EFR3B: variants seen among roughly 807,000 people sequenced by gnomAD.
The protein encoded by EFR3B is EFR3 homolog B, also known as protein EFR3 homolog B.
A neutral mutation model predicts 104.7 loss-of-function variants in EFR3B; 64 were observed. The ratio of observed to expected loss-of-function variants is 0.61; its 90% confidence interval spans 0.50 to 0.75. EFR3B has a LOEUF of 0.75. Among genes scored for constraint, EFR3B ranks in the 30% least tolerant of loss-of-function variants. The probability of loss-of-function intolerance (pLI) is 0.00; values close to 1 mark genes in which losing one functional copy is unlikely to be tolerated. For synonymous variants in EFR3B, 385 were observed against 417.9 expected, an observed-to-expected ratio of 0.92 and a Z score of 0.96; for missense variants, 750 against 1,078.5, an observed-to-expected ratio of 0.70 and a Z score of 4.27.
chr2:25,131,362 C>T lies in EFR3B; in HGVS notation c.850-6C>T. 1 of 1,549,704 alleles carries T rather than the reference C, an allele frequency of 6.5e-7. No individual in the cohort carries two copies. The highest frequency in any genetic ancestry group is 1.2e-5 in the South Asian group (1 of 83,974). Reference sequence around the variant, plus strand: ...TGTCCAGGCCCAGCTCATCTTCCTCCCGCAGCCGCAGCACTCACACCTGGT... The same window carrying T: ...TGTCCAGGCCCAGCTCATCTTCCTCTCGCAGCCGCAGCACTCACACCTGGT... On this transcript the variant is annotated splice_polypyrimidine_tract_variant and splice_region_variant and intron_variant, in intron 8 of 22. Coordinates refer to ENST00000403714, the MANE Select transcript of EFR3B (RefSeq NM_014971.2). This position sits in a 1 kb window ranked among gnomAD's most constrained non-coding sequence, Gnocchi z 7.6.
At chr2:25,102,531 C>T (rs935015519) in intron 3 of EFR3B, among the ~76,000 whole-genome samples, 5 of 152,134 alleles carry the variant, frequency 3.3e-5, no homozygotes, top group Non-Finnish European at 5.9e-5. Flanking sequence ...GGGGAAGCCC[C>T]TTATAAAACC....
chr2:25,087,361 G>GTA (rs67038461), intron 1 of EFR3B, among the ~76,000 whole-genome samples: 10,216 of 148,754 alleles, frequency 0.069, 449 homozygotes, highest in Non-Finnish European at 0.11. Flanking sequence ...CTTCATATAT[G>GTA]TATATATATA....
At chr2:25,117,794 C>A (rs997593978) in intron 4 of EFR3B, among the ~76,000 whole-genome samples, 3 of 152,108 alleles carry the variant, frequency 2.0e-5, no homozygotes, top group African/African-American at 7.2e-5. Flanking sequence ...TCCCCTGCTC[C>A]CCAGCAGCAA....
intron 20 of EFR3B, among the ~76,000 whole-genome samples, chr2:25,150,651 C>A (rs1372768037): frequency 6.6e-6 from 1 of 151,196 alleles, no homozygotes; most frequent in Non-Finnish European, 1.5e-5. Flanking sequence ...CGCCCTGTCA[C>A]CCAGGCTAGA....
At position 25,043,375 on chromosome 2, in the gene EFR3B, C is replaced by T. The variant is rs565717596; in HGVS notation, c.7+1056C>T. On this transcript the variant is annotated intron_variant, in intron 1 of 22. Coordinates refer to ENST00000403714, the MANE Select transcript of EFR3B (RefSeq NM_014971.2). ...AATTTAACCCATCACTGAGGCTGCT[C>T]GGCTGCTCAGCTGCCTCGCTCCGCG... Among the ~76,000 whole-genome samples, 29 of 152,278 alleles carry T rather than the reference C, an allele frequency of 1.9e-4. No homozygotes were observed. The East Asian group carries it at 2.1e-3, about 11-fold the overall frequency.
intron 1 of EFR3B, chr2:25,081,598 G>C: frequency 2.4e-6 from 2 of 826,216 alleles, no homozygotes; most frequent in South Asian, 1.4e-5. Flanking sequence ...ACTTCCTAGA[G>C]CCTGAGCAGT....
rs1049878572 is a variant in EFR3B, at chr2:25,091,351, C to G, written c.34C>G (p.Arg12Gly). ...YGVCGCCGAL[R>G]PRYKRLVDNI... Reference sequence around the variant, plus strand: ...TGTGTGTGGCTGCTGTGGTGCCCTACGCCCCAGGTACAAAAGGCTGGTTGA... The same window carrying G: ...TGTGTGTGGCTGCTGTGGTGCCCTAGGCCCCAGGTACAAAAGGCTGGTTGA... The change falls in exon 2 of 23, where the codon CGC becomes GGC. Residue 12 changes from arginine to glycine, a missense_variant. Physicochemically the swap from Arg to Gly is moderately radical, Grantham distance 125. Transcript: ENST00000403714. 1.9e-6 allele frequency: 3 copies of G among 1,550,082 alleles called. No individual in the cohort carries two copies. The highest frequency in any genetic ancestry group is 2.6e-6 in the Non-Finnish European group (3 of 1,146,380).
intron 15 of EFR3B, among the ~76,000 whole-genome samples, chr2:25,138,844 C>T (rs1162355308): frequency 4.6e-5 from 7 of 152,140 alleles, no homozygotes; most frequent in Non-Finnish European, 1.5e-5. Flanking sequence ...TACTCAAGAG[C>T]CTCCCAGTTC....
chr2:25,061,294 G>A (rs1360268308), intron 1 of EFR3B, among the ~76,000 whole-genome samples: 3 of 151,582 alleles, frequency 2.0e-5, no homozygotes, highest in Non-Finnish European at 2.9e-5. Context: ...CTGTTTTTTG[G>A]TAGAGACGGG....
chr2:25,108,937 C>T (rs1461155609), intron 4 of EFR3B, among the ~76,000 whole-genome samples: 4 of 151,742 alleles, frequency 2.6e-5, no homozygotes, highest in African/African-American at 7.3e-5. Context: ...ACCCAGGAGG[C>T]GAAGGTTGCA....
At chr2:25,123,371 A>C (rs1423981814) in intron 5 of EFR3B, among the ~76,000 whole-genome samples, 7 of 151,966 alleles carry the variant, frequency 4.6e-5, no homozygotes, top group African/African-American at 1.4e-4. Context: ...AAAAAAAAAA[A>C]AACAATTAAT....
intron 1 of EFR3B, among the ~76,000 whole-genome samples, chr2:25,057,282 TTGCTTTGCA>T (rs1668047341): frequency 6.6e-6 from 1 of 152,192 alleles, no homozygotes; most frequent in African/African-American, 2.4e-5. Context: ...GCTACAATTC[TTGCTTTGCA>T]TGCATTCTAG....
At chr2:25,100,057 A>T (rs1265574664) in intron 3 of EFR3B, among the ~76,000 whole-genome samples, 2 of 152,102 alleles carry the variant, frequency 1.3e-5, no homozygotes, top group Non-Finnish European at 2.9e-5. Context: ...ACAAAAAATT[A>T]GCCAGGCATG....
At chr2:25,058,416 ATAC>A (rs1237008179) in intron 1 of EFR3B, 2 of 152,138 alleles carry the variant, frequency 1.3e-5, no homozygotes, top group Admixed American at 6.6e-5. Flanking sequence ...CCACAGTGAA[ATAC>A]TACTTCACAC....
At chr2:25,103,937 C>T (rs1391337211) in intron 4 of EFR3B, 150 bp downstream of exon 4, 1 of 770,238 alleles carries the variant, frequency 1.3e-6, no homozygotes, top group Non-Finnish European at 1.9e-6. Context: ...TAGGGTCTCC[C>T]TTTGTGTGAA....
intron 1 of EFR3B, among the ~76,000 whole-genome samples, chr2:25,084,582 G>T (rs1010943872): frequency 1.3e-5 from 2 of 152,124 alleles, no homozygotes; most frequent in East Asian, 3.9e-4. Context: ...GGCTGAGGAC[G>T]TGCCCGTGAC....
chr2:25,143,227 A>T (rs975327266), intron 17 of EFR3B, among the ~76,000 whole-genome samples: 6 of 152,348 alleles, frequency 3.9e-5, no homozygotes, highest in African/African-American at 1.4e-4. Context: ...AAGAAAAAAA[A>T]AAGTGACTGA....
At position 25,131,607 on chromosome 2, in the gene EFR3B, C is replaced by T. The variant is rs1243576910; in HGVS notation, c.985+104C>T. The T allele has an allele frequency of 3.0e-5, 45 of 1,507,088 alleles. No homozygotes were observed. The highest frequency in any genetic ancestry group is 4.2e-5 in the African/African-American group (3 of 72,030). 93.4% of individuals were successfully genotyped at this position (1,507,088 alleles called of 1,614,324 possible). Reference sequence around the variant, plus strand: ...CAGGGAGGGGTCGGAGTCCGTTTTCCTCGGGAGAAGTCCGCCAGGAAGTTG... The same window carrying T: ...CAGGGAGGGGTCGGAGTCCGTTTTCTTCGGGAGAAGTCCGCCAGGAAGTTG... On this transcript the variant is annotated intron_variant, in intron 9 of 22. Transcript: ENST00000403714. The surrounding 1 kb of genome is among the most constrained non-coding windows in gnomAD (Gnocchi z 7.6).
intron 1 of EFR3B, among the ~76,000 whole-genome samples, chr2:25,066,312 A>G (rs1302343137): frequency 2.6e-5 from 4 of 152,158 alleles, no homozygotes; most frequent in Non-Finnish European, 4.4e-5. Flanking sequence ...TAAGAGCACA[A>G]TAGAAGGTGA....
Sources: allele counts gnomAD v4.1 joint callset (sites outside exome capture counted in the v4.1 genomes callset), GRCh38; gene constraint gnomAD v4.1.1; non-coding constraint Gnocchi (gnomAD v3.1); transcripts MANE v1.5; gene names NCBI Gene and HGNC (gene_info 2026-07-23, HGNC 2026-07-21).